The following RELN variants were observed in gnomAD, a reference collection of about 807,000 sequenced individuals.
RELN encodes the protein reelin.
RELN carries 108 observed loss-of-function variants against 427.6 expected under a neutral mutation model. That is an observed-to-expected ratio of 0.25 (90% CI 0.22 to 0.30). The LOEUF (loss-of-function observed/expected upper bound fraction) is 0.30. Among genes scored for constraint, RELN ranks in the 10% least tolerant of loss-of-function variants. RELN has a pLI of 1.00. For missense variants in RELN, 3,715 were observed against 4,302.8 expected (o/e 0.86, Z 3.82); for synonymous variants, 1,524 against 1,513.4 (o/e 1.01, Z -0.16).
intron 20 of RELN, among the ~76,000 whole-genome samples, chr7:103,613,554 G>T (rs192210815): frequency 1.3e-5 from 2 of 152,220 alleles, no homozygotes; most frequent in Non-Finnish European, 2.9e-5. Context: ...CTGCTCCTAG[G>T]GTCTTTTAAG....
In RELN at chr7:103,654,169, T is replaced by C. The variant is rs1832979604; in HGVS notation, c.1478A>G (p.Asp493Gly). ...TTCAATTTTTGCATACAGGATTATG[T>C]CATTTTCATGAGAATTTCCAGGGTC... The part of the protein sequence containing the change: ...ICDPGNSHEN[D>G]IILYAKIEGR... Residue 493 changes from aspartate (D) to glycine (G), a missense_variant, in exon 13 of 65, where the codon GAC (aspartate) becomes GGC (glycine). Around this residue, in one of 4 missense-constraint regions of RELN, gnomAD observed 2,208 missense variants for 2,361.7 expected, o/e 0.93. Transcript: ENST00000428762. 6.2e-7 allele frequency: 1 copy of C among 1,611,656 alleles called. No individual in the cohort carries two copies. The highest frequency in any genetic ancestry group is 1.1e-5 in the South Asian group (1 of 91,048).
intron 3 of RELN, among the ~76,000 whole-genome samples, chr7:103,783,760 C>T (rs931886976): frequency 6.6e-6 from 1 of 152,138 alleles, no homozygotes; most frequent in Admixed American, 6.6e-5. Context: ...AGTAACTTAG[C>T]TTTCTTCCAA....
intron 27 of RELN, 140 bp downstream of exon 27, chr7:103,593,541 TA>T: frequency 1.3e-6 from 1 of 764,240 alleles, no homozygotes; most frequent in Non-Finnish European, 2.2e-6. Context: ...TTCGCAATTC[TA>T]ACACTGTTAA....
chr7:103,920,503 T>G (rs1795589437), intron 1 of RELN, among the ~76,000 whole-genome samples: 1 of 152,050 alleles, frequency 6.6e-6, no homozygotes, highest in African/African-American at 2.4e-5. Flanking sequence ...TAGCATATTA[T>G]GTACTATGAA....
chr7:103,742,405 AACTG>A (rs1790689340), intron 6 of RELN, among the ~76,000 whole-genome samples: 1 of 152,200 alleles, frequency 6.6e-6, no homozygotes, highest in African/African-American at 2.4e-5. Context: ...AACGGAACAA[AACTG>A]GATGGAGAAT....
At chr7:103,624,197 C>G (rs1424197287) in intron 20 of RELN, among the ~76,000 whole-genome samples, 1 of 152,070 alleles carries the variant, frequency 6.6e-6, no homozygotes, top group Non-Finnish European at 1.5e-5. Context: ...CATAAATACC[C>G]CATGAAATAT....
intron 4 of RELN, among the ~76,000 whole-genome samples, chr7:103,757,208 T>C (rs1791181690): frequency 6.6e-6 from 1 of 152,176 alleles, no homozygotes; most frequent in Non-Finnish European, 1.5e-5. Context: ...TAAAGGCCTT[T>C]ACTCTTTCCT....
Position 103,764,728 on chromosome 7 carries a change from C to T in RELN, c.545-11514G>A, listed in dbSNP as rs541026469. 6.1e-5 allele frequency among the ~76,000 whole-genome samples: 9 copies of T among 148,372 alleles called. No homozygotes were observed. The East Asian group carries it at 8.1e-4, about 13-fold the overall frequency. ...GTGCATGCCTGTAGTCCCAACTACT[C>T]GGGAGGCTGAGGTAGGAGAATTGCT... On this transcript the variant is annotated intron_variant, in intron 4 of 64. Transcript: ENST00000428762.
intron 4 of RELN, among the ~76,000 whole-genome samples, chr7:103,760,818 AAAT>A (rs1171630531): frequency 6.6e-6 from 1 of 152,174 alleles, no homozygotes; most frequent in African/African-American, 2.4e-5. Flanking sequence ...TTCCAAAGCT[AAAT>A]ATGACAAATT....
In RELN at chr7:103,951,700, T is replaced by A. The variant is rs182649341; in HGVS notation, c.227-34515A>T. Among the ~76,000 whole-genome samples the A allele has an allele frequency of 2.2e-4, 33 of 149,888 alleles. 1 individual carries two copies. In the South Asian group the frequency reaches 6.5e-3, roughly 30 times the overall value. On this transcript the variant is annotated intron_variant, in intron 1 of 64. Coordinates refer to ENST00000428762, the MANE Select transcript of RELN (RefSeq NM_005045.4). ...CCTTTTTTTTTTTTAAAATACAGAGTCTTGTTCTGTTGCCCAGGCTGAAGT... is the reference window on the plus strand; with the variant it reads ...CCTTTTTTTTTTTTAAAATACAGAGACTTGTTCTGTTGCCCAGGCTGAAGT...
chr7:103,719,163 A>G (rs1331435715), intron 8 of RELN, among the ~76,000 whole-genome samples: 2 of 152,210 alleles, frequency 1.3e-5, no homozygotes, highest in Non-Finnish European at 2.9e-5. Flanking sequence ...TGAAGCCCTG[A>G]GCTGATACAG....
chr7:103,890,566 C>T (rs1453293850), intron 2 of RELN, among the ~76,000 whole-genome samples: 1 of 152,064 alleles, frequency 6.6e-6, no homozygotes, highest in Non-Finnish European at 1.5e-5. Flanking sequence ...CCAAACCATC[C>T]CCACCCCCTA....
intron 2 of RELN, among the ~76,000 whole-genome samples, chr7:103,861,957 G>T (rs1794080442): frequency 6.6e-6 from 1 of 152,084 alleles, no homozygotes; most frequent in Non-Finnish European, 1.5e-5. Context: ...AAAAGAAGCA[G>T]AAGAGAGGAA....
At chr7:103,580,864 T>G (rs1831114285) in intron 28 of RELN, among the ~76,000 whole-genome samples, 1 of 152,180 alleles carries the variant, frequency 6.6e-6, no homozygotes, top group Non-Finnish European at 1.5e-5. Context: ...CCTCATTGTA[T>G]CGTTGTAGCA....
chr7:103,944,129 A>C (rs2116744166), intron 1 of RELN, among the ~76,000 whole-genome samples: 1 of 152,300 alleles, frequency 6.6e-6, no homozygotes, highest in Middle Eastern at 3.4e-3. Context: ...CGAATGGAGA[A>C]AAAACTGTGG....
intron 41 of RELN, among the ~76,000 whole-genome samples, chr7:103,546,679 A>G (rs1003406447): frequency 6.6e-6 from 1 of 152,184 alleles, no homozygotes; most frequent in Non-Finnish European, 1.5e-5. Context: ...CATAGAGGCC[A>G]ATGTCCATGT....
At chr7:103,740,734 G>A (rs147355563) in intron 6 of RELN, among the ~76,000 whole-genome samples, 9 of 152,286 alleles carry the variant, frequency 5.9e-5, no homozygotes, top group African/African-American at 2.2e-4. Context: ...AATACATTGT[G>A]AGTGTTTTAA....
rs200010849 is a variant in RELN at position 103,542,755 on chromosome 7, C to G, written c.6647G>C (p.Arg2216Pro). Reference sequence around the variant, plus strand: ...CCTAGCATGTGATAAATCCAGGTCTCGTGTCATCAACATGCGCAAGCCATC... The same window carrying G: ...CCTAGCATGTGATAAATCCAGGTCTGGTGTCATCAACATGCGCAAGCCATC... ...NEDGLRMLMTRDLDLSHARFV... is the reference protein window; with the variant it reads ...NEDGLRMLMTPDLDLSHARFV... Residue 2216 changes from arginine (R) to proline (P), a missense_variant, in exon 43 of 65, where the codon CGA becomes CCA. Coordinates refer to ENST00000428762, the MANE Select transcript of RELN (RefSeq NM_005045.4). 6.2e-7 allele frequency: 1 copy of G among 1,613,946 alleles called. No homozygotes were observed.
rs148398692 is a variant in RELN at position 103,861,123 on chromosome 7, AG to A, written c.338-27452del. Reference sequence around the variant, plus strand: ...AGTGAGGAGGGACTTTTAAAATAATAGTTTCTTTTTTTCTGATATACACAGT... The same window carrying A: ...AGTGAGGAGGGACTTTTAAAATAATATTTCTTTTTTTCTGATATACACAGT... On this transcript the variant is annotated intron_variant, in intron 2 of 64. Coordinates refer to ENST00000428762, the MANE Select transcript of RELN (RefSeq NM_005045.4). 4.3e-3 allele frequency among the ~76,000 whole-genome samples: 652 copies of A among 152,262 alleles called. 7 individuals are homozygous for A. Among genetic ancestry groups the A allele is most frequent in the African/African-American group, 0.015 (630 of 41,546 alleles).
Sources: gnomAD v4.1 joint callset for allele counts (sites outside exome capture counted in the v4.1 genomes callset) on GRCh38, gnomAD v4.1.1 for gene constraint, gnomAD v4.1.1 regional missense constraint, MANE v1.5 for transcripts, NCBI Gene and HGNC (gene_info 2026-07-23, HGNC 2026-07-21) for gene names.